AGBL4: variants seen among roughly 807,000 people sequenced by gnomAD.
AGBL4 encodes the protein AGBL carboxypeptidase 4.
In AGBL4, 58 loss-of-function variants were observed where a neutral mutation model predicts 66.4. The ratio of observed to expected loss-of-function variants is 0.87; its 90% CI spans 0.71 to 1.09. AGBL4 has a LOEUF of 1.09. Ranked by LOEUF, AGBL4 falls within the 50% of genes least tolerant of loss-of-function variation. The pLI is 0.00. For synonymous variants in AGBL4, 234 were observed against 222.9 expected (o/e 1.05, Z -0.44); for missense variants, 579 against 631.0 (o/e 0.92, Z 0.88).
intron 1 of AGBL4, among the ~76,000 whole-genome samples, chr1:49,974,287 T>C (rs1658381882): frequency 6.6e-6 from 1 of 152,010 alleles, no homozygotes; most frequent in Admixed American, 6.6e-5. Flanking sequence ...ATAAATAAAA[T>C]ATGTATGGTG....
At chr1:48,604,334 G>T (rs1645123170) in intron 9 of AGBL4, among the ~76,000 whole-genome samples, 1 of 152,086 alleles carries the variant, frequency 6.6e-6, no homozygotes, top group Non-Finnish European at 1.5e-5. Flanking sequence ...TTATAAGTTT[G>T]AGCTGTATGT....
intron 1 of AGBL4, among the ~76,000 whole-genome samples, chr1:49,978,572 G>C (rs1447479317): frequency 6.6e-6 from 1 of 152,198 alleles, no homozygotes; most frequent in African/African-American, 2.4e-5. Context: ...CCAAACTGTA[G>C]AGAACATTCA....
intron 5 of AGBL4, among the ~76,000 whole-genome samples, chr1:48,913,353 G>A (rs1245675854): frequency 6.6e-6 from 1 of 152,170 alleles, no homozygotes; most frequent in Non-Finnish European, 1.5e-5. Flanking sequence ...TAAGGCAGAA[G>A]TCCCCAAATC....
At chr1:48,813,640 T>C (rs1047358738) in intron 6 of AGBL4, among the ~76,000 whole-genome samples, 2 of 152,184 alleles carry the variant, frequency 1.3e-5, no homozygotes, top group African/African-American at 4.8e-5. Context: ...GAGCTCAAAT[T>C]TCCAGCTAAG....
At chr1:49,485,270 T>C (rs899822410) in intron 3 of AGBL4, among the ~76,000 whole-genome samples, 34 of 152,018 alleles carry the variant, frequency 2.2e-4, no homozygotes, top group Non-Finnish European at 2.8e-4. Flanking sequence ...TGGAATACTA[T>C]GCAGCCATAA....
At position 48,884,598 on chromosome 1, in the gene AGBL4, A is replaced by G. The variant is rs150742750; in HGVS notation, c.595-17368T>C. ...TGTCCATTGCTTCCTTGAATATTGC[A>G]TTTGTATCATGTTCACAAATACATT... On this transcript the variant is annotated intron_variant, in intron 5 of 13. Transcript: ENST00000371839. 1.2e-3 allele frequency among the ~76,000 whole-genome samples: 184 copies of G among 152,300 alleles called. 3 individuals are homozygous for G. The highest frequency in any genetic ancestry group is 4.1e-3 in the Admixed American group (63 of 15,304).
At chr1:49,116,421 C>T (rs1645523852) in intron 4 of AGBL4, among the ~76,000 whole-genome samples, 1 of 152,172 alleles carries the variant, frequency 6.6e-6, no homozygotes, top group South Asian at 2.1e-4. Flanking sequence ...CATCCTGTGT[C>T]CAAGTATTCT....
chr1:48,566,424 T>A (rs1644476777), intron 11 of AGBL4, among the ~76,000 whole-genome samples: 1 of 152,236 alleles, frequency 6.6e-6, no homozygotes, highest in Admixed American at 6.5e-5. Context: ...AAATACTTCT[T>A]CTCTTGTAAG....
rs541329907 is a variant in AGBL4 at position 49,737,122 on chromosome 1, T to C, written c.158-39685A>G. 2.0e-5 allele frequency among the ~76,000 whole-genome samples: 3 copies of C among 152,292 alleles called. No homozygotes were observed. The South Asian group carries it at 6.2e-4, about 32-fold the overall frequency. On this transcript the variant is annotated intron_variant, in intron 2 of 13. Coordinates refer to ENST00000371839, the MANE Select transcript of AGBL4 (RefSeq NM_032785.4). ...AGTCCAGCCACTATGGAAACCAGTC[T>C]GGAGATTTCTCAAAGAATTTAAAAA... is the stretch of plus-strand genomic sequence containing the variant.
At chr1:49,831,968 G>A (rs955055418) in intron 2 of AGBL4, among the ~76,000 whole-genome samples, 5 of 151,444 alleles carry the variant, frequency 3.3e-5, no homozygotes, top group Non-Finnish European at 7.4e-5. Flanking sequence ...TGACTAGATC[G>A]TGGTGGATAA....
intron 9 of AGBL4, among the ~76,000 whole-genome samples, chr1:48,610,610 A>G (rs1057165812): frequency 6.6e-6 from 1 of 152,172 alleles, no homozygotes; most frequent in African/African-American, 2.4e-5. Flanking sequence ...AAACCTCCAG[A>G]ATTGCTATGT....
At chr1:49,596,914 C>T (rs547347225) in intron 3 of AGBL4, among the ~76,000 whole-genome samples, 3 of 152,174 alleles carry the variant, frequency 2.0e-5, no homozygotes, top group Non-Finnish European at 2.9e-5. Flanking sequence ...AACTCTCAGA[C>T]GAGTGTTCAA....
chr1:48,919,708 C>T (rs2148890538), intron 5 of AGBL4, among the ~76,000 whole-genome samples: 1 of 152,244 alleles, frequency 6.6e-6, no homozygotes, highest in African/African-American at 2.4e-5. Context: ...TGGCTCTTAC[C>T]CACTAGATGC....
At chr1:49,180,141 G>A (rs965695984) in intron 4 of AGBL4, among the ~76,000 whole-genome samples, 5 of 151,852 alleles carry the variant, frequency 3.3e-5, no homozygotes, top group Non-Finnish European at 7.4e-5. Context: ...CAGGTGATCC[G>A]CCCGCCTCAG....
At chr1:49,724,894 G>A (rs770537906) in intron 2 of AGBL4, among the ~76,000 whole-genome samples, 1 of 152,008 alleles carries the variant, frequency 6.6e-6, no homozygotes, top group Non-Finnish European at 1.5e-5. Context: ...GCAGCCTCCA[G>A]AAATGTGAGA....
At chr1:48,713,295 G>C (rs1279655485) in intron 6 of AGBL4, among the ~76,000 whole-genome samples, 1 of 152,178 alleles carries the variant, frequency 6.6e-6, no homozygotes, top group African/African-American at 2.4e-5. Flanking sequence ...TAACCCAGGA[G>C]CTGGCCTAGA....
chr1:49,362,501 T>C (rs888824644), intron 3 of AGBL4, among the ~76,000 whole-genome samples: 1 of 146,468 alleles, frequency 6.8e-6, no homozygotes, highest in Non-Finnish European at 1.5e-5. Flanking sequence ...CTCTGACTGA[T>C]GAGAGTCTGA....
chr1:48,587,885 G>T (rs111783109), intron 10 of AGBL4, among the ~76,000 whole-genome samples: 1 of 151,516 alleles, frequency 6.6e-6, no homozygotes, highest in Non-Finnish European at 1.5e-5. Context: ...CTCGTGATCC[G>T]CCTGCCTCAG....
chr1:49,148,341 T>G (rs998456290), intron 4 of AGBL4, among the ~76,000 whole-genome samples: 2 of 152,164 alleles, frequency 1.3e-5, no homozygotes, highest in African/African-American at 4.8e-5. Flanking sequence ...ACATGGCTTT[T>G]CTTTAAAAAC....
Sources: allele counts gnomAD v4.1 joint callset (sites outside exome capture counted in the v4.1 genomes callset), GRCh38; gene constraint gnomAD v4.1.1; transcripts MANE v1.5; gene names NCBI Gene and HGNC (gene_info 2026-07-23, HGNC 2026-07-21).